Variants in DOCK10 observed in about 807,000 individuals in gnomAD.
DOCK10 encodes the protein dedicator of cytokinesis protein 10.
In DOCK10, 145 loss-of-function variants were observed where a neutral mutation model predicts 280.1. The observed-to-expected ratio is 0.52, with a 90% confidence interval of 0.45 to 0.59. The LOEUF is 0.59. DOCK10 is among the 20% of genes least tolerant of loss of function. The pLI is 0.00. For missense variants in DOCK10, 2,368 were observed against 2,651.7 expected (o/e 0.89, Z 2.35); for synonymous variants, 915 against 942.2 (o/e 0.97, Z 0.53).
chr2:224,839,274 T>A (rs963025458), intron 24 of DOCK10, among the ~76,000 whole-genome samples: 1 of 150,850 alleles, frequency 6.6e-6, no homozygotes, highest in Admixed American at 6.6e-5. Flanking sequence ...TTTTTTTTTT[T>A]AGTAGAGTTG....
chr2:225,028,892 C>T (rs924678482), intron 1 of DOCK10, among the ~76,000 whole-genome samples: 1 of 152,174 alleles, frequency 6.6e-6, no homozygotes, highest in Non-Finnish European at 1.5e-5. Flanking sequence ...AGAAGTAAAC[C>T]AGGCGTGTGT....
chr2:224,875,939 G>A (rs1416937255), intron 8 of DOCK10, 99 bp downstream of exon 8: 4 of 1,244,892 alleles, frequency 3.2e-6, no homozygotes, highest in Non-Finnish European at 3.4e-6. Flanking sequence ...GGATGGATGA[G>A]CTAGACCAGA....
At chr2:224,800,720 A>T (rs950531513) in intron 40 of DOCK10, among the ~76,000 whole-genome samples, 38 of 152,318 alleles carry the variant, frequency 2.5e-4, no homozygotes, top group African/African-American at 8.9e-4. Context: ...TGTCAATGAA[A>T]AGAGTCAAAT....
At chr2:224,771,394 G>T (rs1228598390) in intron 53 of DOCK10, among the ~76,000 whole-genome samples, 1 of 152,172 alleles carries the variant, frequency 6.6e-6, no homozygotes, top group Non-Finnish European at 1.5e-5. Flanking sequence ...TATTATGAAG[G>T]GATAATCCAC....
At chr2:224,792,934 T>A (rs1574830845) in intron 47 of DOCK10, 40 bp downstream of exon 47, 1 of 1,442,028 alleles carries the variant, frequency 6.9e-7, no homozygotes, top group South Asian at 1.2e-5. Context: ...GCAAGTGGAT[T>A]TCCTCTGCAT....
At chr2:224,794,740 A>G (rs958137640) in intron 45 of DOCK10, 139 bp downstream of exon 45, 8 of 741,912 alleles carry the variant, frequency 1.1e-5, no homozygotes, top group Admixed American at 5.0e-5. Flanking sequence ...AATGTATTGT[A>G]TATGATATAT....
intron 14 of DOCK10, among the ~76,000 whole-genome samples, chr2:224,859,149 C>T (rs1440990215): frequency 6.6e-6 from 1 of 152,092 alleles, no homozygotes; most frequent in Non-Finnish European, 1.5e-5. Context: ...AGTTGGATGA[C>T]CATTTGTTAA....
chr2:224,792,855 G>A (rs867644420), intron 47 of DOCK10, 119 bp downstream of exon 47: 6 of 718,194 alleles, frequency 8.4e-6, no homozygotes, highest in Middle Eastern at 5.0e-4. Flanking sequence ...AGTAAGTTGG[G>A]TAGATCTGAG....
intron 55 of DOCK10, among the ~76,000 whole-genome samples, chr2:224,766,510 T>A (rs1180599023): frequency 6.6e-6 from 1 of 152,196 alleles, no homozygotes; most frequent in South Asian, 2.1e-4. Flanking sequence ...GCTGAGAGCA[T>A]CCTATACTAC....
At chr2:224,958,393 T>C (rs1448852235) in intron 1 of DOCK10, among the ~76,000 whole-genome samples, 1 of 152,156 alleles carries the variant, frequency 6.6e-6, no homozygotes, top group Non-Finnish European at 1.5e-5. Flanking sequence ...GTGAAAGGAA[T>C]AGGATGCTTC....
chr2:224,898,876 A>G (rs1342017795), intron 3 of DOCK10, among the ~76,000 whole-genome samples: 1 of 152,216 alleles, frequency 6.6e-6, no homozygotes, highest in Non-Finnish European at 1.5e-5. Context: ...CACCGGGCTG[A>G]TAATTGAGCC....
chr2:224,943,397 A>T (rs1469150434), intron 1 of DOCK10, among the ~76,000 whole-genome samples: 1 of 152,192 alleles, frequency 6.6e-6, no homozygotes, highest in Non-Finnish European at 1.5e-5. Flanking sequence ...AGAGGGTATA[A>T]AATCTGGGTT....
rs558837657 is a variant in DOCK10 at position 224,782,791 on chromosome 2, A to G, written c.5655+4231T>C. 1.3e-4 allele frequency among the ~76,000 whole-genome samples: 20 copies of G among 152,348 alleles called. No individual in the cohort carries two copies. The East Asian group carries it at 2.9e-3, about 22-fold the overall frequency. On this transcript the variant is annotated intron_variant, in intron 50 of 55. Coordinates refer to ENST00000258390, the MANE Select transcript of DOCK10 (RefSeq NM_014689.3). ...TTTGTGCAGGCAAAGAGCCTATTGC[A>G]TATCATATTTCCATAATCTTTTTAA...
intron 31 of DOCK10, among the ~76,000 whole-genome samples, chr2:224,813,839 C>G (rs1693948538): frequency 6.6e-6 from 1 of 152,166 alleles, no homozygotes. Flanking sequence ...AGGAATAGAA[C>G]ACAACTTTTA....
chr2:224,960,948 C>T (rs1704342891), intron 1 of DOCK10, among the ~76,000 whole-genome samples: 1 of 152,054 alleles, frequency 6.6e-6, no homozygotes, highest in Non-Finnish European at 1.5e-5. Context: ...CCGTGTTAGC[C>T]AGGATGGTCT....
At position 224,961,468 on chromosome 2, in the gene DOCK10, T is replaced by TTCTTTCTTTCTTTCTTTCTTTC. The variant is rs10672849; in HGVS notation, c.124-29801_124-29800insGAAAGAAAGAAAGAAAGAAAGA. On this transcript the variant is annotated intron_variant, in intron 1 of 55. Transcript: ENST00000258390. ...TTTCTTTCTTTCTTTCTTTCTTTCT[T>TTCTTTCTTTCTTTCTTTCTTTC]TTTCTTTCTTTCTTTCTCTTTCTTT... 5.4e-3 allele frequency among the ~76,000 whole-genome samples: 359 copies of TTCTTTCTTTCTTTCTTTCTTTC among 66,690 alleles called. 9 individuals are homozygous for TTCTTTCTTTCTTTCTTTCTTTC. The highest frequency in any genetic ancestry group is 0.015 in the Middle Eastern group (2 of 132). The allele number at this position is 66,690 out of a possible 152,430, so 43.8% of individuals were successfully genotyped here.
intron 47 of DOCK10, 31 bp downstream of exon 47, chr2:224,792,943 A>T (rs1196156703): frequency 1.3e-6 from 2 of 1,506,018 alleles, no homozygotes; most frequent in South Asian, 2.3e-5. Context: ...TTTCCTCTGC[A>T]TTGGGATAAA....
intron 7 of DOCK10, among the ~76,000 whole-genome samples, chr2:224,882,784 T>C (rs1323199044): frequency 2.6e-5 from 4 of 152,200 alleles, no homozygotes; most frequent in Non-Finnish European, 5.9e-5. Context: ...TGTGTGTACA[T>C]GATTCATCTT....
intron 4 of DOCK10, among the ~76,000 whole-genome samples, chr2:224,888,943 C>A (rs1375352272): frequency 6.6e-6 from 1 of 151,840 alleles, no homozygotes; most frequent in Admixed American, 6.6e-5. Flanking sequence ...GGGATTCTGC[C>A]ATTTGCCATG....
Sources: gnomAD v4.1 joint callset for allele counts (sites outside exome capture counted in the v4.1 genomes callset) on GRCh38, gnomAD v4.1.1 for gene constraint, MANE v1.5 for transcripts, NCBI Gene and HGNC (gene_info 2026-07-23, HGNC 2026-07-21) for gene names.